The following FBXO47 variants were observed in gnomAD, a reference collection of about 807,000 sequenced individuals.
FBXO47 encodes F-box protein 47.
FBXO47 carries 34 observed loss-of-function variants against 53.9 expected under a neutral mutation model. That is an observed-to-expected ratio of 0.63 (90% CI 0.48 to 0.84). The LOEUF (loss-of-function observed/expected upper bound fraction) is 0.84. Ranked by LOEUF, FBXO47 falls within the 40% of genes least tolerant of loss-of-function variation. The probability of loss-of-function intolerance (pLI) is 0.00; values close to 1 mark genes in which losing one functional copy is unlikely to be tolerated. For synonymous variants in FBXO47, 165 were observed against 181.6 expected (o/e 0.91, Z 0.73); for missense variants, 485 against 541.3 (o/e 0.90, Z 1.03).
At chr17:38,961,798 G>T in intron 3 of FBXO47, 79 bp downstream of exon 3, 2 of 1,240,866 alleles carry the variant, frequency 1.6e-6, no homozygotes, top group Non-Finnish European at 2.3e-6. Flanking sequence ...TTTCCTACTG[G>T]CCTTACAGAA....
chr17:38,960,342 TTTAC>T (rs1193181301), intron 3 of FBXO47, among the ~76,000 whole-genome samples: 1 of 151,938 alleles, frequency 6.6e-6, no homozygotes, highest in Non-Finnish European at 1.5e-5. Context: ...ATATCAAACA[TTTAC>T]TTAAAGAATT....
rs368089498 is a variant in FBXO47 at position 38,938,529 on chromosome 17, C to T, written c.1243+44G>A. On this transcript the variant is annotated intron_variant, in intron 10 of 10. Transcript: ENST00000378079. ...TCTCTGTTTTAGGTGGAGACTAGAG[C>T]GCATTTTTACGCACACCTGTGCACC... 1.1e-5 allele frequency: 16 copies of T among 1,429,202 alleles called. No individual in the cohort carries two copies. In the East Asian group the frequency reaches 1.6e-4, roughly 14 times the overall value. 88.5% of individuals were successfully genotyped at this position (1,429,202 alleles called of 1,614,324 possible).
Position 38,962,048 on chromosome 17 carries a change from C to T in FBXO47, c.182-1G>A, listed in dbSNP as rs753319659. ...ATGCTTAGCATGCTGATATCCTTCACTACCAAAAGAAATATATATGTGTAT... is the reference window on the plus strand; with the variant it reads ...ATGCTTAGCATGCTGATATCCTTCATTACCAAAAGAAATATATATGTGTAT... On this transcript the variant is annotated splice_acceptor_variant, in intron 2 of 10. Coordinates refer to ENST00000378079, the MANE Select transcript of FBXO47 (RefSeq NM_001008777.3). LOFTEE classifies it high-confidence loss of function. 1 of 1,609,336 alleles carries T rather than the reference C, an allele frequency of 6.2e-7. No homozygotes were observed. The highest frequency in any genetic ancestry group is 1.1e-5 in the South Asian group (1 of 90,824).
chr17:38,950,836 T>G (rs1487603641), intron 6 of FBXO47, among the ~76,000 whole-genome samples: 1 of 152,150 alleles, frequency 6.6e-6, no homozygotes, highest in Admixed American at 6.6e-5. Context: ...TGCCCCACTG[T>G]CTTATTCGAT....
Position 38,937,031 on chromosome 17 carries a change from C to A in FBXO47, c.*144G>T. ...ATATTAATAATGATGTACGTAGTTG[C>A]TTCTAAAATTCTATCCAGCTTTTGA... On this transcript the variant is annotated 3_prime_UTR_variant, in exon 11 of 11. Coordinates refer to ENST00000378079, the MANE Select transcript of FBXO47 (RefSeq NM_001008777.3). 1 of 447,778 alleles carries A rather than the reference C, an allele frequency of 2.2e-6. No individual in the cohort carries two copies. The highest frequency in any genetic ancestry group is 2.0e-5 in the African/African-American group (1 of 49,364). 27.7% of individuals were successfully genotyped at this position (447,778 alleles called of 1,614,324 possible).
At chr17:38,953,166 C>CACACAA (rs1567719878) in intron 5 of FBXO47, among the ~76,000 whole-genome samples, 2 of 132,136 alleles carry the variant, frequency 1.5e-5, no homozygotes, top group East Asian at 2.5e-4. Context: ...CACACACACA[C>CACACAA]AAAATAGCTA....
intron 5 of FBXO47, among the ~76,000 whole-genome samples, chr17:38,953,203 T>C (rs566066551): frequency 6.7e-6 from 1 of 150,242 alleles, no homozygotes; most frequent in East Asian, 2.0e-4. Flanking sequence ...CCTGTAATCC[T>C]AGCTACTTGG....
intron 1 of FBXO47, among the ~76,000 whole-genome samples, chr17:38,965,145 C>T (rs1482438681): frequency 6.6e-6 from 1 of 152,198 alleles, no homozygotes; most frequent in Non-Finnish European, 1.5e-5. Flanking sequence ...CCACCACGCC[C>T]GCCCATTACA....
At chr17:38,942,671 C>T in intron 9 of FBXO47, 107 bp downstream of exon 9, 1 of 719,922 alleles carries the variant, frequency 1.4e-6, no homozygotes, top group South Asian at 2.1e-5. Context: ...CTTCAATACT[C>T]ATTTTTACAA....
chr17:38,943,622 T>G lies in FBXO47; in HGVS notation c.908A>C (p.Asp303Ala), dbSNP rs574495381. 3 of 1,601,690 alleles carry G rather than the reference T, an allele frequency of 1.9e-6. No homozygotes were observed. In the South Asian group the frequency reaches 3.4e-5, roughly 18 times the overall value. Residue 303 changes from aspartate to alanine, a missense_variant, in exon 8 of 11, where the codon GAT (aspartate) becomes GCT (alanine). Coordinates refer to ENST00000378079, the MANE Select transcript of FBXO47 (RefSeq NM_001008777.3). The stretch of plus-strand genomic sequence containing the variant: ...TTCATCTACAAGACTGATAACATCA[T>G]CTGCTGTCCACTCTTTAGTGCTAGC... ...YDASTKEWTA[D>A]DVISLVDELS...
intron 6 of FBXO47, among the ~76,000 whole-genome samples, chr17:38,946,405 T>TAA (rs1400666464): frequency 3.1e-4 from 30 of 95,748 alleles, no homozygotes; most frequent in Non-Finnish European, 5.2e-4. Flanking sequence ...TATATAAATA[T>TAA]ATAGATATAT....
At chr17:38,946,431 T>A (rs1473986355) in intron 6 of FBXO47, among the ~76,000 whole-genome samples, 24 of 95,278 alleles carry the variant, frequency 2.5e-4, no homozygotes, top group African/African-American at 1.1e-3. Flanking sequence ...ACTATATAAA[T>A]ATATATGAAT....
chr17:38,950,258 G>A (rs1221037482), intron 6 of FBXO47, among the ~76,000 whole-genome samples: 1 of 151,776 alleles, frequency 6.6e-6, no homozygotes, highest in South Asian at 2.1e-4. Context: ...TCTCATGTAA[G>A]TAGAATCATG....
At position 38,954,744 on chromosome 17, in the gene FBXO47, CTCT is replaced by C. The variant is rs1190384185; in HGVS notation, c.507+109_507+111del. On this transcript the variant is annotated intron_variant, in intron 5 of 10. Transcript: ENST00000378079. ...ATTCTCAAATCTTTATTTTATTTTG[CTCT>C]TTTTAAGATTATTATAACTTTATTA... 2.0e-5 allele frequency: 11 copies of C among 558,138 alleles called. 1 individual carries two copies. In the Admixed American group the frequency reaches 2.7e-4, roughly 14 times the overall value. The allele number at this position is 558,138 out of a possible 1,614,324, so 34.6% of individuals were successfully genotyped here. A position where few individuals can be genotyped will look rare whatever the true frequency, so the allele number is the denominator to read the frequency against.
intron 7 of FBXO47, 125 bp downstream of exon 7, chr17:38,944,835 T>TGTGC (rs1333494557): frequency 5.5e-6 from 4 of 724,078 alleles, no homozygotes; most frequent in Middle Eastern, 4.1e-4. Context: ...CGCACCACTG[T>TGTGC]GTGCGTGCAT....
chr17:38,961,210 A>G (rs1230654450), intron 3 of FBXO47, among the ~76,000 whole-genome samples: 2 of 152,182 alleles, frequency 1.3e-5, no homozygotes, highest in Non-Finnish European at 1.5e-5. Context: ...AAATCACACC[A>G]TCTTGACATT....
rs567591609 is a variant in FBXO47, at chr17:38,966,848, C to T, written c.-27+381G>A. Among the ~76,000 whole-genome samples the T allele has an allele frequency of 3.3e-5, 5 of 152,176 alleles. No homozygotes were observed. The South Asian group carries it at 1.0e-3, about 32-fold the overall frequency. On this transcript the variant is annotated intron_variant, in intron 1 of 10. Transcript: ENST00000378079. ...CTAAATTATTTCTGGTTTCCGCTCACCCCTCTAGCGAATAAGAATCACAGC... is the reference window on the plus strand; with the variant it reads ...CTAAATTATTTCTGGTTTCCGCTCATCCCTCTAGCGAATAAGAATCACAGC...
chr17:38,959,854 G>A (rs1004988645), intron 3 of FBXO47, among the ~76,000 whole-genome samples: 1 of 151,916 alleles, frequency 6.6e-6, no homozygotes, highest in East Asian at 1.9e-4. Flanking sequence ...GCAATACACT[G>A]TTAACATTCC....
In FBXO47 at chr17:38,945,055, G is replaced by T; in HGVS notation, c.698C>A (p.Ser233Tyr). The change falls in exon 7 of 11, where the codon TCT becomes TAT. Residue 233 changes from serine to tyrosine, a missense_variant. Physicochemically the swap from Ser to Tyr is moderately radical, Grantham distance 144. Coordinates refer to ENST00000378079, the MANE Select transcript of FBXO47 (RefSeq NM_001008777.3). Reference protein sequence around the residue: ...LLDHWTHRSDSAFWLTRILKP... With the variant: ...LLDHWTHRSDYAFWLTRILKP... ...TAATATTCGCGTCAACCAAAAAGCA[G>T]AATCACTTCGATGTGTCCAATGATC... 3 of 1,613,988 alleles carry T rather than the reference G, an allele frequency of 1.9e-6. No individual in the cohort carries two copies. The highest frequency in any genetic ancestry group is 2.5e-6 in the Non-Finnish European group (3 of 1,179,946).
Sources: allele counts gnomAD v4.1 joint callset (sites outside exome capture counted in the v4.1 genomes callset), GRCh38; gene constraint gnomAD v4.1.1; transcripts MANE v1.5; gene names NCBI Gene and HGNC (gene_info 2026-07-23, HGNC 2026-07-21).